LONRF2: variants seen among roughly 807,000 people sequenced by gnomAD.
LONRF2 encodes the protein LON peptidase N-terminal domain and ring finger 2.
LONRF2 carries 35 observed loss-of-function variants against 66.6 expected under a neutral mutation model. That is an observed-to-expected ratio of 0.53 (90% CI 0.40 to 0.70). LONRF2 has a LOEUF of 0.70. Ranked by LOEUF, LONRF2 falls within the 30% of genes least tolerant of loss-of-function variation. LONRF2 has a pLI of 0.00. For missense variants in LONRF2, 902 were observed against 1,002.1 expected, an observed-to-expected ratio of 0.90 and a Z score of 1.35; for synonymous variants, 417 against 418.1, an observed-to-expected ratio of 1.00 and a Z score of 0.03.
At position 100,275,514 on chromosome 2, in the gene LONRF2, C is replaced by T. The variant is rs4561689; in HGVS notation, c.*8784G>A. 131,613 of 152,292 alleles carry T rather than the reference C, an allele frequency of 0.86. 57,160 individuals carry two copies. The highest frequency in any genetic ancestry group is 0.96 in the East Asian group (4,990 of 5,184). The allele number at this position is 152,292 out of a possible 1,614,324, so 9.4% of individuals were successfully genotyped here. A position where few individuals can be genotyped will look rare whatever the true frequency, so the allele number is the denominator to read the frequency against. ...TGCAGGGATCCTCCGGCCATGCGGC[C>T]GGTGAGAGGCACCCTCCTCACAGAA... On this transcript the variant is annotated 3_prime_UTR_variant, in exon 12 of 12. Transcript: ENST00000393437.
At chr2:100,303,989 T>C (rs4851288) in intron 2 of LONRF2, among the ~76,000 whole-genome samples, 92,154 of 151,876 alleles carry the variant, frequency 0.61, 29,322 homozygotes, top group African/African-American at 0.8. Context: ...AGATTCTTTT[T>C]GTTTTTCTTT....
Position 100,309,182 on chromosome 2 carries a change from A to G in LONRF2, c.723T>C (p.Tyr241=). 1 of 1,609,878 alleles carries G rather than the reference A, an allele frequency of 6.2e-7. No individual in the cohort carries two copies. Among genetic ancestry groups the G allele is most frequent in the Non-Finnish European group, 8.5e-7 (1 of 1,178,968 alleles). The change falls in exon 2 of 12, where the codon TAT becomes TAC. Residue 241 remains tyrosine, a synonymous_variant. Transcript: ENST00000393437. ...CTTGCTCATAGTTCTTCATGGTCAA[A>G]TATAACTCCGCCCGCAGCAGCAATA... ...NSLLLLRAEL[Y]LTMKNYEQAL...
chr2:100,290,197 C>T (rs1674929976), intron 10 of LONRF2, 61 bp downstream of exon 10: 2 of 1,483,670 alleles, frequency 1.3e-6, no homozygotes, highest in Admixed American at 2.2e-5. Context: ...AGCTTTTCCA[C>T]AATGCAAAGG....
rs6755791 is a variant in LONRF2, at chr2:100,279,410, G to A, written c.*4888C>T. 0.63 allele frequency: 94,612 copies of A among 151,220 alleles called. 30,131 individuals carry two copies. Among genetic ancestry groups the A allele is most frequent in the East Asian group, 0.95 (4,847 of 5,116 alleles). The allele number at this position is 151,220 out of a possible 1,614,324, so 9.4% of individuals were successfully genotyped here. ...CTATGGGCCAGCCTAAGGGACTCCT[G>A]TATCTCCACGTGTCTTCCTCCTTTC... On this transcript the variant is annotated 3_prime_UTR_variant, in exon 12 of 12. Coordinates refer to ENST00000393437, the MANE Select transcript of LONRF2 (RefSeq NM_198461.4).
chr2:100,308,320 A>G (rs145558325), intron 2 of LONRF2, among the ~76,000 whole-genome samples: 68 of 152,356 alleles, frequency 4.5e-4, no homozygotes, highest in Non-Finnish European at 7.5e-4. Flanking sequence ...CTCCGTCTCA[A>G]AAAATAAAAT....
rs1421709593 is a variant in LONRF2 at position 100,273,909 on chromosome 2, A to G, written c.*10389T>C. The G allele has an allele frequency of 6.6e-6, 1 of 152,222 alleles. No homozygotes were observed. The highest frequency in any genetic ancestry group is 1.5e-5 in the Non-Finnish European group (1 of 68,044). The allele number at this position is 152,222 out of a possible 1,614,324, so 9.4% of individuals were successfully genotyped here. On this transcript the variant is annotated 3_prime_UTR_variant, in exon 12 of 12. Coordinates refer to ENST00000393437, the MANE Select transcript of LONRF2 (RefSeq NM_198461.4). ...CTTTCCAACCTATTAACAGGTTCTT[A>G]TTTTCAGAATTGAGTGGGAAATTGT...
rs79836049 is a variant in LONRF2 at position 100,318,344 on chromosome 2, A to G, written c.679+3071T>C. 7.8e-3 allele frequency among the ~76,000 whole-genome samples: 1,184 copies of G among 152,224 alleles called. 14 individuals carry two copies. Among genetic ancestry groups the G allele is most frequent in the African/African-American group, 0.027 (1,137 of 41,526 alleles). ...TTCTGAATGCTTTATATTTTCATAC[A>G]TTTATTTACCTCTTTCAACATACGT... is the stretch of plus-strand genomic sequence containing the variant. On this transcript the variant is annotated intron_variant, in intron 1 of 11. Transcript: ENST00000393437.
At chr2:100,284,534 T>C (rs1325841503) in intron 11 of LONRF2, 42 bp from the exon 12 acceptor site, 2 of 1,452,674 alleles carry the variant, frequency 1.4e-6, no homozygotes, top group Non-Finnish European at 1.8e-6. Flanking sequence ...ACACTGGAAA[T>C]GCAAGCCTGT....
chr2:100,292,402 T>A (rs887996344), intron 9 of LONRF2, among the ~76,000 whole-genome samples: 5 of 152,134 alleles, frequency 3.3e-5, no homozygotes, highest in African/African-American at 9.7e-5. Context: ...GCAATTTGTT[T>A]AAAAAAAGAA....
Position 100,273,311 on chromosome 2 carries a change from A to C in LONRF2, c.*10987T>G, listed in dbSNP as rs1424951430. On this transcript the variant is annotated 3_prime_UTR_variant, in exon 12 of 12. Coordinates refer to ENST00000393437, the MANE Select transcript of LONRF2 (RefSeq NM_198461.4). ...AAATGTGAGCGAAGAAAACTGATTT[A>C]TTGTGAAAAGCCGTCAGTCTGTGGT... 6.6e-6 allele frequency: 1 copy of C among 152,224 alleles called. No homozygotes were observed. Among genetic ancestry groups the C allele is most frequent in the Non-Finnish European group, 1.5e-5 (1 of 68,050 alleles). 9.4% of individuals were successfully genotyped at this position (152,224 alleles called of 1,614,324 possible). A position where few individuals can be genotyped will look rare whatever the true frequency, so the allele number is the denominator to read the frequency against.
At chr2:100,320,551 G>A (rs568856819) in intron 1 of LONRF2, among the ~76,000 whole-genome samples, 3 of 152,178 alleles carry the variant, frequency 2.0e-5, no homozygotes, top group African/African-American at 7.2e-5. Context: ...CTACAGCATG[G>A]TAGTAGATTA....
intron 3 of LONRF2, among the ~76,000 whole-genome samples, chr2:100,301,482 C>A (rs1014775778): frequency 1.3e-5 from 2 of 152,222 alleles, no homozygotes; most frequent in Admixed American, 1.3e-4. Flanking sequence ...AAGGTGAGTG[C>A]GCTAGAATCC....
At chr2:100,299,117 A>T in intron 6 of LONRF2, 109 bp downstream of exon 6, 1 of 869,240 alleles carries the variant, frequency 1.2e-6, no homozygotes, top group South Asian at 1.8e-5. Flanking sequence ...ATCAATTATT[A>T]CTGAGCTCTC....
In LONRF2 at chr2:100,321,593, C is replaced by T; in HGVS notation, c.501G>A (p.Val167=). The change falls in exon 1 of 12, where the codon GTG becomes GTA. Residue 167 remains valine (V), a synonymous_variant. Transcript: ENST00000393437. ...CCTGCGGCCGCGCGGGCCCTGGCTC[C>T]ACGCAGCGCTTGCAGACTGTGAGCC... The part of the protein sequence containing the change: ...PCGLTVCKRC[V]EPGPARPQVR... 2.0e-6 allele frequency: 3 copies of T among 1,525,314 alleles called. No homozygotes were observed. Among genetic ancestry groups the T allele is most frequent in the Non-Finnish European group, 2.6e-6 (3 of 1,148,626 alleles). The allele number at this position is 1,525,314 out of a possible 1,614,324, so 94.5% of individuals were successfully genotyped here.
Position 100,295,419 on chromosome 2 carries a change from C to A in LONRF2, c.1598+13G>T, listed in dbSNP as rs1374337001. ...TGAACTTAAGACCAAGGACACACAACATGAGCACTTACTTTGACAGTTCTG... is the reference window on the plus strand; with the variant it reads ...TGAACTTAAGACCAAGGACACACAAAATGAGCACTTACTTTGACAGTTCTG... On this transcript the variant is annotated intron_variant, in intron 8 of 11. Coordinates refer to ENST00000393437, the MANE Select transcript of LONRF2 (RefSeq NM_198461.4). 1 of 1,611,162 alleles carries A rather than the reference C, an allele frequency of 6.2e-7. No homozygotes were observed. Among genetic ancestry groups the A allele is most frequent in the Non-Finnish European group, 8.5e-7 (1 of 1,178,850 alleles).
At chr2:100,318,687 G>A (rs1285137390) in intron 1 of LONRF2, among the ~76,000 whole-genome samples, 1 of 151,624 alleles carries the variant, frequency 6.6e-6, no homozygotes, top group Non-Finnish European at 1.5e-5. Context: ...AAAAAAATAC[G>A]AGGCATGGTG....
rs1349602810 is a variant in LONRF2, at chr2:100,283,562, CT to C, written c.*735del. 6.0e-5 allele frequency: 7 copies of C among 116,372 alleles called. No individual in the cohort carries two copies. Among genetic ancestry groups the C allele is most frequent in the African/African-American group, 2.5e-4 (7 of 28,498 alleles). 7.2% of individuals were successfully genotyped at this position (116,372 alleles called of 1,614,324 possible). On this transcript the variant is annotated 3_prime_UTR_variant, in exon 12 of 12. Transcript: ENST00000393437. Reference sequence around the variant, plus strand: ...CCAATGCATATACAATTTTAACTCACTTTATTGTGTGTAAATATATATATAT... The same window carrying C: ...CCAATGCATATACAATTTTAACTCACTTATTGTGTGTAAATATATATATAT...
At chr2:100,295,034 G>C (rs541271900) in intron 8 of LONRF2, among the ~76,000 whole-genome samples, 83 of 150,478 alleles carry the variant, frequency 5.5e-4, no homozygotes, top group African/African-American at 1.9e-3. Flanking sequence ...TTTTAATATA[G>C]AGGTGGGGTC....
rs538276319 is a variant in LONRF2 at position 100,279,589 on chromosome 2, C to G, written c.*4709G>C. 7.9e-4 allele frequency: 121 copies of G among 152,276 alleles called. No homozygotes were observed. Among genetic ancestry groups the G allele is most frequent in the African/African-American group, 2.7e-3 (114 of 41,548 alleles). The allele number at this position is 152,276 out of a possible 1,614,324, so 9.4% of individuals were successfully genotyped here. A position where few individuals can be genotyped will look rare whatever the true frequency, so the allele number is the denominator to read the frequency against. ...TCTATATTTTATGATATTTTGACAT[C>G]TCAGGGGCCTCGCTGACCCAGGAGA... On this transcript the variant is annotated 3_prime_UTR_variant, in exon 12 of 12. Transcript: ENST00000393437.
Sources: gnomAD v4.1 joint callset for allele counts (sites outside exome capture counted in the v4.1 genomes callset) on GRCh38, gnomAD v4.1.1 for gene constraint, MANE v1.5 for transcripts, NCBI Gene and HGNC (gene_info 2026-07-23, HGNC 2026-07-21) for gene names.